The following NT5C1A variants were observed in gnomAD, a reference collection of about 807,000 sequenced individuals.
NT5C1A encodes cytosolic 5'-nucleotidase 1A.
NT5C1A carries 18 observed loss-of-function variants against 31.0 expected under a neutral mutation model. The observed-to-expected ratio is 0.58, with a 90% confidence interval of 0.40 to 0.86. NT5C1A has a LOEUF of 0.86. NT5C1A is among the 40% of genes least tolerant of loss of function. The pLI, the probability that NT5C1A is intolerant of heterozygous loss-of-function variation, is 0.00. For synonymous variants in NT5C1A, 185 were observed against 203.6 expected (o/e 0.91, Z 0.78); for missense variants, 470 against 505.4 (o/e 0.93, Z 0.67).
intron 4 of NT5C1A, among the ~76,000 whole-genome samples, 199 bp downstream of exon 4, chr1:39,663,113 G>A (rs1646500051): frequency 6.6e-6 from 1 of 152,208 alleles, no homozygotes; most frequent in Non-Finnish European, 1.5e-5. Context: ...AGGGCCAGAT[G>A]TAGGAAGATG....
At chr1:39,660,597 T>G (rs1230649551) in intron 5 of NT5C1A, among the ~76,000 whole-genome samples, 1 of 151,296 alleles carries the variant, frequency 6.6e-6, no homozygotes, top group East Asian at 1.9e-4. Context: ...CTGTTTCCAG[T>G]GAGGGAAACA....
chr1:39,664,490 C>CCTGTCTCCTCTCCTGTCTCCT, intron 3 of NT5C1A, among the ~76,000 whole-genome samples: 1 of 2,900 alleles, frequency 3.4e-4, no homozygotes, highest in East Asian at 7.8e-3. Context: ...GTGGATTTCT[C>CCTGTCTCCTCTCCTGTCTCCT]CTCCTCTCCT....
In NT5C1A at chr1:39,672,024, C is replaced by T; in HGVS notation, c.15G>A (p.Gln5=). The T allele has an allele frequency of 6.2e-7, 1 of 1,602,254 alleles. No individual in the cohort carries two copies. The highest frequency in any genetic ancestry group is 8.5e-7 in the Non-Finnish European group (1 of 1,178,676). MEPG[Q]PREPQEPREP... is the part of the protein sequence containing the mutation. ...CGCGGGGCTCCTGGGGCTCCCGGGG[C>T]TGCCCAGGTTCCATGCTCCGGCTCT... Residue 5 remains glutamine, a synonymous_variant, in exon 1 of 6, where the codon CAG becomes CAA. Coordinates refer to ENST00000235628, the MANE Select transcript of NT5C1A (RefSeq NM_032526.3).
rs1330296945 is a variant in NT5C1A, at chr1:39,656,837, G to A, written c.*2284C>T. On this transcript the variant is annotated 3_prime_UTR_variant, in exon 6 of 6. Transcript: ENST00000235628. ...CCACGGGGGTGATTCTGACCCCTGG[G>A]AGTGAGAAGGAGAGGGCCTTTCTGC... 6.6e-6 allele frequency among the ~76,000 whole-genome samples: 1 copy of A among 152,246 alleles called. No individual in the cohort carries two copies. The highest frequency in any genetic ancestry group is 1.5e-5 in the Non-Finnish European group (1 of 68,048).
chr1:39,670,570 T>C (rs999355833), intron 1 of NT5C1A, among the ~76,000 whole-genome samples: 1 of 152,182 alleles, frequency 6.6e-6, no homozygotes, highest in Non-Finnish European at 1.5e-5. Flanking sequence ...CCCTGAAACA[T>C]GGGGCTTGGG....
At chr1:39,662,110 G>A (rs1438762809) in intron 4 of NT5C1A, among the ~76,000 whole-genome samples, 1 of 152,202 alleles carries the variant, frequency 6.6e-6, no homozygotes, top group Non-Finnish European at 1.5e-5. Flanking sequence ...GGAGACCTGG[G>A]CAACTGGCCG....
chr1:39,658,218 C>T lies in NT5C1A; in HGVS notation c.*903G>A, dbSNP rs1170430232. On this transcript the variant is annotated 3_prime_UTR_variant, in exon 6 of 6. Transcript: ENST00000235628. ...TCCCGGGAAGAGCCTGCAGTGCCCCCTGCTGGCTGGAGGAGAGTTTGTATG... is the reference window on the plus strand; with the variant it reads ...TCCCGGGAAGAGCCTGCAGTGCCCCTTGCTGGCTGGAGGAGAGTTTGTATG... Among the ~76,000 whole-genome samples, 1 of 152,230 alleles carries T rather than the reference C, an allele frequency of 6.6e-6. No individual in the cohort carries two copies. Among genetic ancestry groups the T allele is most frequent in the African/African-American group, 2.4e-5 (1 of 41,462 alleles).
intron 2 of NT5C1A, 40 bp downstream of exon 2, chr1:39,666,029 G>A (rs1187640573): frequency 8.2e-6 from 13 of 1,583,232 alleles, no homozygotes; most frequent in Admixed American, 5.1e-5. Context: ...TAATCCCCAC[G>A]AAGGCGCTAT....
intron 5 of NT5C1A, 122 bp from the exon 6 acceptor site, chr1:39,659,608 G>A: frequency 2.4e-6 from 3 of 1,267,028 alleles, no homozygotes; most frequent in Non-Finnish European, 3.2e-6. Flanking sequence ...AAATCTTTCA[G>A]TTAGCTCTGC....
rs1169928263 is a variant in NT5C1A at position 39,656,633 on chromosome 1, G to C, written c.*2488C>G. On this transcript the variant is annotated 3_prime_UTR_variant, in exon 6 of 6. Coordinates refer to ENST00000235628, the MANE Select transcript of NT5C1A (RefSeq NM_032526.3). ...TGGTGTTCATCACCAGGCCCTGGGG[G>C]CAAGACCACACAGGTCCCAGAATCC... 6.6e-6 allele frequency among the ~76,000 whole-genome samples: 1 copy of C among 152,228 alleles called. No individual in the cohort carries two copies. The highest frequency in any genetic ancestry group is 1.5e-5 in the Non-Finnish European group (1 of 68,042).
At position 39,656,722 on chromosome 1, in the gene NT5C1A, A is replaced by ACT. The variant is rs1231243673; in HGVS notation, c.*2398_*2399insAG. Reference sequence around the variant, plus strand: ...CCCAGTGCACAGGTCCACCCTGGTCAGTCAGCCTGTTGCCATGCTGTGAGC... The same window carrying ACT: ...CCCAGTGCACAGGTCCACCCTGGTCACTGTCAGCCTGTTGCCATGCTGTGAGC... On this transcript the variant is annotated 3_prime_UTR_variant, in exon 6 of 6. Transcript: ENST00000235628. Among the ~76,000 whole-genome samples, 3 of 152,266 alleles carry ACT rather than the reference A, an allele frequency of 2.0e-5. No individual in the cohort carries two copies. The highest frequency in any genetic ancestry group is 2.9e-5 in the Non-Finnish European group (2 of 68,042).
intron 3 of NT5C1A, among the ~76,000 whole-genome samples, chr1:39,664,919 G>T (rs1557746272): frequency 6.6e-6 from 1 of 152,052 alleles, no homozygotes; most frequent in East Asian, 1.9e-4. Flanking sequence ...AAGAAAAGAA[G>T]AGCCGGGAGA....
In NT5C1A at chr1:39,655,027, C is replaced by T. The variant is rs929981024; in HGVS notation, c.*4094G>A. On this transcript the variant is annotated 3_prime_UTR_variant, in exon 6 of 6. Transcript: ENST00000235628. ...CGTGATCTCGGTTCACTGCAACCTC[C>T]GCCTTCCGGGTTCAAGTGATCCTCC... 2.0e-5 allele frequency among the ~76,000 whole-genome samples: 3 copies of T among 152,152 alleles called. No homozygotes were observed. The highest frequency in any genetic ancestry group is 4.4e-5 in the Non-Finnish European group (3 of 68,026).
chr1:39,655,134 G>GT lies in NT5C1A; in HGVS notation c.*3986dup, dbSNP rs1646453230. Among the ~76,000 whole-genome samples the GT allele has an allele frequency of 6.6e-6, 1 of 152,176 alleles. No homozygotes were observed. Among genetic ancestry groups the GT allele is most frequent in the African/African-American group, 2.4e-5 (1 of 41,438 alleles). On this transcript the variant is annotated 3_prime_UTR_variant, in exon 6 of 6. Transcript: ENST00000235628. The stretch of plus-strand genomic sequence containing the variant: ...TTTTTGTATTTTTAGTAGAGACGGG[G>GT]TTTCATCATGTTGGGCAGGATGGTC...
Position 39,661,217 on chromosome 1 carries a change from C to T in NT5C1A, c.603G>A (p.Val201=), listed in dbSNP as rs773316784. The T allele has an allele frequency of 4.4e-6, 7 of 1,595,434 alleles. No homozygotes were observed. The South Asian group carries it at 7.7e-5, about 18-fold the overall frequency. The change falls in exon 5 of 6, where the codon GTG becomes GTA. Residue 201 remains valine (V), a synonymous_variant. Coordinates refer to ENST00000235628, the MANE Select transcript of NT5C1A (RefSeq NM_032526.3). The part of the protein sequence containing the change: ...TIFSPSRDVV[V]SQSQLRVAFD... ...AGGCCACGCGCAGCTGACTCTGGGA[C>T]ACAACCACATCCCTGCTGGGGCTGA...
rs911043450 is a variant in NT5C1A at position 39,654,714 on chromosome 1, G to A, written c.*4407C>T. The stretch of plus-strand genomic sequence containing the variant: ...CCCTTTGGCAGTGGAGCCAGCCTCC[G>A]CCCACAGATGCATAGGTGGATGTGA... On this transcript the variant is annotated 3_prime_UTR_variant, in exon 6 of 6. Transcript: ENST00000235628. Among the ~76,000 whole-genome samples the A allele has an allele frequency of 3.3e-5, 5 of 152,226 alleles. No homozygotes were observed. Among genetic ancestry groups the A allele is most frequent in the Admixed American group, 6.5e-5 (1 of 15,278 alleles).
At chr1:39,660,613 C>A (rs553566697) in intron 5 of NT5C1A, among the ~76,000 whole-genome samples, 1 of 152,130 alleles carries the variant, frequency 6.6e-6, no homozygotes, top group Non-Finnish European at 1.5e-5. Context: ...AAACAGGCTT[C>A]TTAAGAGGGT....
intron 3 of NT5C1A, 125 bp from the exon 4 acceptor site, chr1:39,663,559 G>A: frequency 1.1e-6 from 1 of 919,830 alleles, no homozygotes; most frequent in Non-Finnish European, 1.6e-6. Flanking sequence ...GTGTCTCAGT[G>A]TAATTTTAGG....
Position 39,671,755 on chromosome 1 carries a change from AGCCCGC to A in NT5C1A, c.135+143_135+148del, listed in dbSNP as rs1345482253. The A allele has an allele frequency of 1.4e-5, 13 of 919,846 alleles. No individual in the cohort carries two copies. The East Asian group carries it at 3.4e-4, about 24-fold the overall frequency. 57.0% of individuals were successfully genotyped at this position (919,846 alleles called of 1,614,324 possible). A position where few individuals can be genotyped will look rare whatever the true frequency, so the allele number is the denominator to read the frequency against. ...GAGCAGAGCTCCCAAAATAAACCCG[AGCCCGC>A]GCCAGCTGCAGGGCGCATTCTGGGG... On this transcript the variant is annotated intron_variant, in intron 1 of 5. Transcript: ENST00000235628.
Sources: allele counts gnomAD v4.1 joint callset (sites outside exome capture counted in the v4.1 genomes callset), GRCh38; gene constraint gnomAD v4.1.1; transcripts MANE v1.5; gene names NCBI Gene and HGNC (gene_info 2026-07-23, HGNC 2026-07-21).